The following CFAP54 variants were observed in gnomAD, a reference collection of about 807,000 sequenced individuals.
CFAP54 encodes cilia and flagella associated protein 54.
A neutral mutation model predicts 370.4 loss-of-function variants in CFAP54; 290 were observed. The observed-to-expected ratio is 0.78, with a 90% confidence interval of 0.71 to 0.86. The LOEUF is 0.86. Among genes scored for constraint, CFAP54 ranks in the 40% least tolerant of loss-of-function variants. The pLI, the probability that CFAP54 is intolerant of heterozygous loss-of-function variation, is 0.00. For missense variants in CFAP54, 3,399 were observed against 3,528.7 expected, an observed-to-expected ratio of 0.96 and a Z score of 0.93; for synonymous variants, 1,206 against 1,236.5, an observed-to-expected ratio of 0.98 and a Z score of 0.52.
chr12:96,539,204 G>C lies in CFAP54; in HGVS notation c.1926+686G>C, dbSNP rs563256197. On this transcript the variant is annotated intron_variant, in intron 13 of 67. Coordinates refer to ENST00000524981, the MANE Select transcript of CFAP54 (RefSeq NM_001306084.2). ...GCTTCTGGAGTAGCTGCGATTACGG[G>C]CATCCACCACCACGGCCGGCTAATT... is the stretch of plus-strand genomic sequence containing the variant. Among the ~76,000 whole-genome samples, 243 of 151,342 alleles carry C rather than the reference G, an allele frequency of 1.6e-3. 1 individual carries two copies. The highest frequency in any genetic ancestry group is 5.5e-3 in the African/African-American group (228 of 41,216).
intron 45 of CFAP54, among the ~76,000 whole-genome samples, chr12:96,694,747 GGCATGATGTCTCAC>G (rs1278567666): frequency 6.6e-6 from 1 of 151,996 alleles, no homozygotes; most frequent in Admixed American, 6.6e-5. Flanking sequence ...CTCAAGGCCA[GGCATGATGTCTCAC>G]GCCTGTAATC....
intron 1 of CFAP54, among the ~76,000 whole-genome samples, chr12:96,496,812 G>T (rs1267079064): frequency 6.6e-6 from 1 of 152,100 alleles, no homozygotes; most frequent in African/African-American, 2.4e-5. Context: ...AATTTCTGAG[G>T]GAGAGGAAAG....
intron 50 of CFAP54, among the ~76,000 whole-genome samples, chr12:96,737,679 G>A (rs928317089): frequency 1.1e-4 from 17 of 151,922 alleles, no homozygotes; most frequent in African/African-American, 3.1e-4. Flanking sequence ...TAGTAGAGAC[G>A]GGGTTTCACC....
intron 67 of CFAP54, among the ~76,000 whole-genome samples, chr12:96,868,745 CT>C (rs1029408890): frequency 3.4e-4 from 51 of 151,952 alleles, no homozygotes; most frequent in African/African-American, 1.2e-3. Flanking sequence ...GAGTTGAGCC[CT>C]TTTTTTTCTT....
At chr12:96,748,025 A>C (rs1218570255) in intron 55 of CFAP54, among the ~76,000 whole-genome samples, 1 of 151,988 alleles carries the variant, frequency 6.6e-6, no homozygotes, top group Non-Finnish European at 1.5e-5. Flanking sequence ...GCAGACTCAG[A>C]TATGTGGTTC....
intron 60 of CFAP54, among the ~76,000 whole-genome samples, chr12:96,777,611 A>C (rs1455797873): frequency 6.6e-6 from 1 of 152,128 alleles, no homozygotes; most frequent in Admixed American, 6.5e-5. Flanking sequence ...GGCCTCCCAA[A>C]GTGCTGGGAT....
chr12:96,806,213 T>TATAA lies in CFAP54; in HGVS notation c.8851-5522_8851-5521insTAAA, dbSNP rs1392329026. Among the ~76,000 whole-genome samples, 300 of 49,310 alleles carry TATAA rather than the reference T, an allele frequency of 6.1e-3. 3 individuals are homozygous for TATAA. Among genetic ancestry groups the TATAA allele is most frequent in the African/African-American group, 6.6e-3 (79 of 12,018 alleles). The allele number at this position is 49,310 out of a possible 152,430, so 32.3% of individuals were successfully genotyped here. A position where few individuals can be genotyped will look rare whatever the true frequency, so the allele number is the denominator to read the frequency against. On this transcript the variant is annotated intron_variant, in intron 63 of 67. Coordinates refer to ENST00000524981, the MANE Select transcript of CFAP54 (RefSeq NM_001306084.2). ...ATATATATATATATATATATATATA[T>TATAA]AATAACAACATAAAAAGAAAGTTGG... is the stretch of plus-strand genomic sequence containing the variant.
At chr12:96,518,241 C>A (rs1955262130) in intron 5 of CFAP54, among the ~76,000 whole-genome samples, 1 of 152,178 alleles carries the variant, frequency 6.6e-6, no homozygotes, top group Non-Finnish European at 1.5e-5. Flanking sequence ...AGGCTGTAAG[C>A]CTTTTTCATT....
intron 36 of CFAP54, among the ~76,000 whole-genome samples, chr12:96,656,615 A>G (rs574335513): frequency 6.6e-6 from 1 of 152,354 alleles, no homozygotes; most frequent in South Asian, 2.1e-4. Context: ...TCCCGACCTC[A>G]GTTGATCTGC....
At chr12:96,689,741 C>T (rs1957369532) in intron 43 of CFAP54, among the ~76,000 whole-genome samples, 1 of 152,142 alleles carries the variant, frequency 6.6e-6, no homozygotes, top group African/African-American at 2.4e-5. Flanking sequence ...TTTGCCTTCA[C>T]TGAAGAAGAA....
At chr12:96,571,906 A>G (rs1009619167) in intron 19 of CFAP54, among the ~76,000 whole-genome samples, 1 of 152,192 alleles carries the variant, frequency 6.6e-6, no homozygotes. Flanking sequence ...TATGGAATTT[A>G]TCTGATTTAC....
rs764227170 is a variant in CFAP54, at chr12:96,743,913, G to A, written c.7557+3G>A. 1 of 1,609,400 alleles carries A rather than the reference G, an allele frequency of 6.2e-7. No homozygotes were observed. Among genetic ancestry groups the A allele is most frequent in the Admixed American group, 1.7e-5 (1 of 59,014 alleles). On this transcript the variant is annotated splice_donor_region_variant and intron_variant, in intron 54 of 67. Coordinates refer to ENST00000524981, the MANE Select transcript of CFAP54 (RefSeq NM_001306084.2). ...CTCATAGCATTCTAACTGAACAGGT[G>A]AGAATGCTTTTGTGTCTGCGAGACA... is the stretch of plus-strand genomic sequence containing the variant.
At chr12:96,503,097 TC>T (rs1955050091) in intron 2 of CFAP54, among the ~76,000 whole-genome samples, 1 of 124,590 alleles carries the variant, frequency 8.0e-6, no homozygotes, top group South Asian at 2.6e-4. Context: ...TCTTTCTTTC[TC>T]TCTCTCTCCT....
At chr12:96,821,484 C>T (rs113515204) in intron 65 of CFAP54, among the ~76,000 whole-genome samples, 2 of 152,000 alleles carry the variant, frequency 1.3e-5, no homozygotes, top group Non-Finnish European at 2.9e-5. Flanking sequence ...TTGTTTTATT[C>T]TCCAACCTAG....
At chr12:96,787,938 A>G (rs1035690464) in intron 62 of CFAP54, among the ~76,000 whole-genome samples, 3 of 149,870 alleles carry the variant, frequency 2.0e-5, no homozygotes, top group African/African-American at 7.4e-5. Context: ...TTTGAGACAG[A>G]GTCTCTCTCT....
At chr12:96,507,533 A>C (rs1955118210) in intron 4 of CFAP54, among the ~76,000 whole-genome samples, 1 of 84,620 alleles carries the variant, frequency 1.2e-5, no homozygotes, top group Admixed American at 1.4e-4. Flanking sequence ...ACACACACAC[A>C]TACACACACA....
At position 96,507,076 on chromosome 12, in the gene CFAP54, A is replaced by C; in HGVS notation, c.716A>C (p.His239Pro). 6.5e-7 allele frequency: 1 copy of C among 1,532,878 alleles called. No homozygotes were observed. Among genetic ancestry groups the C allele is most frequent in the South Asian group, 1.2e-5 (1 of 83,026 alleles). 95.0% of individuals were successfully genotyped at this position (1,532,878 alleles called of 1,614,324 possible). A position where few individuals can be genotyped will look rare whatever the true frequency, so the allele number is the denominator to read the frequency against. Reference sequence around the variant, plus strand: ...ATGCAAGTGGCTCTGCCACAAGAGCATCTTTGCTGGATTATCTTCAATGGT... The same window carrying C: ...ATGCAAGTGGCTCTGCCACAAGAGCCTCTTTGCTGGATTATCTTCAATGGT... The part of the protein sequence containing the change: ...LIMQVALPQE[H>P]LCWIIFNGTI... Residue 239 changes from histidine (H) to proline (P), a missense_variant, in exon 4 of 68, where the codon CAT (histidine) becomes CCT (proline). Coordinates refer to ENST00000524981, the MANE Select transcript of CFAP54 (RefSeq NM_001306084.2).
At position 96,564,779 on chromosome 12, in the gene CFAP54, A is replaced by G. The variant is rs1955849503; in HGVS notation, c.2619+14A>G. The G allele has an allele frequency of 1.7e-6, 1 of 582,054 alleles. No individual in the cohort carries two copies. Among genetic ancestry groups the G allele is most frequent in the Non-Finnish European group, 3.0e-6 (1 of 333,490 alleles). 36.1% of individuals were successfully genotyped at this position (582,054 alleles called of 1,614,324 possible). A position where few individuals can be genotyped will look rare whatever the true frequency, so the allele number is the denominator to read the frequency against. On this transcript the variant is annotated intron_variant, in intron 19 of 67. Transcript: ENST00000524981. ...GAACTTTTGATGGTAACAGTATTTC[A>G]TTTCTTCTTTTAATCCTGACATAAA...
chr12:96,654,405 G>T (rs1202614325), intron 36 of CFAP54, among the ~76,000 whole-genome samples: 1 of 151,336 alleles, frequency 6.6e-6, no homozygotes, highest in Admixed American at 6.6e-5. Flanking sequence ...GGAGGCTGAG[G>T]CAGGAGAATG....
Sources: allele counts gnomAD v4.1 joint callset (sites outside exome capture counted in the v4.1 genomes callset), GRCh38; gene constraint gnomAD v4.1.1; transcripts MANE v1.5; gene names NCBI Gene and HGNC (gene_info 2026-07-23, HGNC 2026-07-21).